The following VCAN variants were observed in gnomAD, a reference collection of about 807,000 sequenced individuals.
VCAN encodes versican, also known as versican core protein.
In VCAN, 44 loss-of-function variants were observed where a neutral mutation model predicts 245.5. The ratio of observed to expected loss-of-function variants is 0.18; its 90% confidence interval spans 0.14 to 0.23. The LOEUF (loss-of-function observed/expected upper bound fraction) is 0.23. VCAN is among the 10% of genes least tolerant of loss of function. VCAN has a pLI of 1.00. For synonymous variants in VCAN, 1,413 were observed against 1,437.0 expected (o/e 0.98, Z 0.38); for missense variants, 3,793 against 4,057.9 (o/e 0.93, Z 1.77).
intron 7 of VCAN, among the ~76,000 whole-genome samples, chr5:83,528,700 G>T (rs1339143151): frequency 6.6e-6 from 1 of 152,026 alleles, no homozygotes; most frequent in Non-Finnish European, 1.5e-5. Flanking sequence ...AAGTTAAATG[G>T]CATAAAACTA....
chr5:83,580,834 G>A lies in VCAN; in HGVS notation c.*400G>A. The A allele has an allele frequency of 3.5e-6, 1 of 289,790 alleles. No individual in the cohort carries two copies. The highest frequency in any genetic ancestry group is 4.8e-5 in the Admixed American group (1 of 20,954). 18.0% of individuals were successfully genotyped at this position (289,790 alleles called of 1,614,324 possible). A position where few individuals can be genotyped will look rare whatever the true frequency, so the allele number is the denominator to read the frequency against. ...TAAAATAAAAAGTCACAATGAGTTT[G>A]GGCATATTTAATGATGATTATGGAG... On this transcript the variant is annotated 3_prime_UTR_variant, in exon 15 of 15. Transcript: ENST00000265077.
At chr5:83,550,011 G>A (rs1370428215) in intron 10 of VCAN, among the ~76,000 whole-genome samples, 2 of 152,152 alleles carry the variant, frequency 1.3e-5, no homozygotes, top group Non-Finnish European at 2.9e-5. Flanking sequence ...CAGTTACTCC[G>A]AAATAGGGGA....
chr5:83,529,814 C>G (rs555716688), intron 7 of VCAN, among the ~76,000 whole-genome samples: 159 of 152,264 alleles, frequency 1.0e-3, no homozygotes, highest in African/African-American at 3.8e-3. Flanking sequence ...CTAGAAAGCA[C>G]CAAGCACAAT....
In VCAN at chr5:83,521,303, A is replaced by G; in HGVS notation, c.2997A>G (p.Glu999=). 6.2e-7 allele frequency: 1 copy of G among 1,614,028 alleles called. No homozygotes were observed. The highest frequency in any genetic ancestry group is 8.5e-7 in the Non-Finnish European group (1 of 1,179,924). Residue 999 remains glutamate, a synonymous_variant, in exon 7 of 15, where the codon GAA becomes GAG. Coordinates refer to ENST00000265077, the MANE Select transcript of VCAN (RefSeq NM_004385.5). ...SVPSEDEVLG[E]PSQDILVIDQ... is the part of the protein sequence containing the mutation. ...CATCAGAAGATGAAGTTCTAGGTGA[A>G]CCCTCTCAAGACATACTTGTCATTG...
Position 83,537,889 on chromosome 5 carries a change from A to G in VCAN, c.4886A>G (p.Glu1629Gly). Residue 1629 changes from glutamate (E) to glycine (G), a missense_variant, in exon 8 of 15, where the codon GAG (glutamate) becomes GGG (glycine). Physicochemically the swap from Glu to Gly is moderately conservative, Grantham distance 98 (BLOSUM62 -2). This residue lies in a region of VCAN where 3,182 missense variants were observed against 3,250.3 expected (regional missense o/e 0.98). Coordinates refer to ENST00000265077, the MANE Select transcript of VCAN (RefSeq NM_004385.5). ...WVEATPRQVV[E>G]LSGSSSIPIT... ...GAAGCAACTCCTAGACAAGTTGTAG[A>G]GCTCTCAGGGAGTTCTTCGATTCCA... 10 of 1,614,002 alleles carry G rather than the reference A, an allele frequency of 6.2e-6. No homozygotes were observed. Among genetic ancestry groups the G allele is most frequent in the Non-Finnish European group, 8.5e-6 (10 of 1,179,968 alleles).
In VCAN at chr5:83,541,341, C is replaced by G; in HGVS notation, c.8338C>G (p.Leu2780Val). Residue 2780 changes from leucine to valine, a missense_variant, in exon 8 of 15, where the codon CTA becomes GTA. Leu to Val is a conservative substitution (Grantham distance 32). Coordinates refer to ENST00000265077, the MANE Select transcript of VCAN (RefSeq NM_004385.5). The part of the protein sequence containing the change: ...EEALVDHTPY[L>V]SIATTHLMDQ... ...GGCATTAGTAGACCATACTCCCTATCTAAGTATTGCTACTACCCACCTTAT... is the reference window on the plus strand; with the variant it reads ...GGCATTAGTAGACCATACTCCCTATGTAAGTATTGCTACTACCCACCTTAT... 2.5e-6 allele frequency: 4 copies of G among 1,614,070 alleles called. No homozygotes were observed. The South Asian group carries it at 4.4e-5, about 18-fold the overall frequency.
intron 12 of VCAN, 96 bp downstream of exon 12, chr5:83,555,134 C>A: frequency 7.7e-7 from 1 of 1,294,536 alleles, no homozygotes. Context: ...AGACTGGAGG[C>A]AAGTTAAATG....
chr5:83,578,391 G>A (rs910322231), intron 13 of VCAN, among the ~76,000 whole-genome samples: 4 of 151,946 alleles, frequency 2.6e-5, no homozygotes, highest in Admixed American at 2.6e-4. Context: ...ATTAGGCTTA[G>A]TACCTGGGTG....
In VCAN at chr5:83,520,523, T is replaced by C. The variant is rs944453252; in HGVS notation, c.2217T>C (p.Ser739=). ...SLSEPIHVTE[S]SVEMTKSFDF... Reference sequence around the variant, plus strand: ...CAGAGCCAATTCATGTTACAGAGTCTTCTGTGGAAATGACCAAGTCTTTTG... The same window carrying C: ...CAGAGCCAATTCATGTTACAGAGTCCTCTGTGGAAATGACCAAGTCTTTTG... Residue 739 remains serine (S), a synonymous_variant, in exon 7 of 15, where the codon TCT becomes TCC. Transcript: ENST00000265077. The C allele has an allele frequency of 2.5e-6, 4 of 1,614,044 alleles. No individual in the cohort carries two copies. The highest frequency in any genetic ancestry group is 2.2e-5 in the East Asian group (1 of 44,860).
Position 83,522,325 on chromosome 5 carries a change from C to G in VCAN, c.4003+16C>G, listed in dbSNP as rs200855770. The G allele has an allele frequency of 8.1e-4, 1,298 of 1,597,650 alleles. 4 individuals are homozygous for G. The highest frequency in any genetic ancestry group is 1.3e-3 in the Middle Eastern group (8 of 6,056). On this transcript the variant is annotated intron_variant, in intron 7 of 14. Transcript: ENST00000265077. ...AATAAGACAGGTAAGTCTTTGCTTT[C>G]TAGACTAGCATTGAAGGCAATCCTC...
intron 12 of VCAN, among the ~76,000 whole-genome samples, chr5:83,566,709 T>C (rs967365352): frequency 1.5e-4 from 23 of 152,172 alleles, no homozygotes; most frequent in African/African-American, 5.3e-4. Context: ...ATACATGGAA[T>C]TGAGGTCACT....
chr5:83,497,394 G>T (rs866091279), intron 5 of VCAN, among the ~76,000 whole-genome samples: 28 of 152,086 alleles, frequency 1.8e-4, no homozygotes, highest in Non-Finnish European at 3.1e-4. Context: ...ATCTAGTAGG[G>T]TTCTTTTTCT....
rs554820599 is a variant in VCAN at position 83,540,570 on chromosome 5, C to T, written c.7567C>T (p.Arg2523Cys). 1.8e-5 allele frequency: 29 copies of T among 1,613,810 alleles called. No individual in the cohort carries two copies. Among genetic ancestry groups the T allele is most frequent in the African/African-American group, 1.3e-4 (10 of 74,976 alleles). ...ERSTDGSFQDRFREFEDSTLK... is the reference protein window; with the variant it reads ...ERSTDGSFQDCFREFEDSTLK... ...GTCCACAGACGGTAGTTTCCAAGAC[C>T]GTTTCAGGGAATTCGAGGATTCCAC... Residue 2523 changes from arginine (R) to cysteine (C), a missense_variant, in exon 8 of 15, where the codon CGT becomes TGT. Around this residue, in one of 5 missense-constraint regions of VCAN, gnomAD observed 3,182 missense variants for 3,250.3 expected, o/e 0.98. Coordinates refer to ENST00000265077, the MANE Select transcript of VCAN (RefSeq NM_004385.5).
At chr5:83,505,861 C>T (rs1174230375) in intron 5 of VCAN, among the ~76,000 whole-genome samples, 2 of 152,366 alleles carry the variant, frequency 1.3e-5, no homozygotes, top group East Asian at 3.9e-4. Context: ...GTTCCCCAAC[C>T]TCAGTTCTTG....
rs147989415 is a variant in VCAN, at chr5:83,537,020, T to C, written c.4017T>C (p.Asp1339=). 2.5e-6 allele frequency: 4 copies of C among 1,596,720 alleles called. No individual in the cohort carries two copies. Among genetic ancestry groups the C allele is most frequent in the Non-Finnish European group, 3.4e-6 (4 of 1,172,172 alleles). The change falls in exon 8 of 15, where the codon GAT becomes GAC. Residue 1339 remains aspartate (D), a synonymous_variant. Coordinates refer to ENST00000265077, the MANE Select transcript of VCAN (RefSeq NM_004385.5). ...VRENKTGRMS[D]LSVIGHPIDS... Reference sequence around the variant, plus strand: ...TGTTTTTTTCAGGTCGAATGAGTGATTTGAGTGTAATTGGTCATCCAATAG... The same window carrying C: ...TGTTTTTTTCAGGTCGAATGAGTGACTTGAGTGTAATTGGTCATCCAATAG...
rs1439068341 is a variant in VCAN at position 83,500,646 on chromosome 5, C to T, written c.748+6715C>T. 2.6e-5 allele frequency among the ~76,000 whole-genome samples: 4 copies of T among 152,124 alleles called. No homozygotes were observed. In the South Asian group the frequency reaches 8.3e-4, roughly 31 times the overall value. Reference sequence around the variant, plus strand: ...AGACAGGTTAAGTGATTAGATATGCCTTTTTTCTTCTTCTACTGCCATAAA... The same window carrying T: ...AGACAGGTTAAGTGATTAGATATGCTTTTTTTCTTCTTCTACTGCCATAAA... On this transcript the variant is annotated intron_variant, in intron 5 of 14. Transcript: ENST00000265077.
intron 5 of VCAN, among the ~76,000 whole-genome samples, chr5:83,505,491 G>A (rs899433919): frequency 6.6e-6 from 1 of 152,194 alleles, no homozygotes; most frequent in Non-Finnish European, 1.5e-5. Context: ...CTCACACCCA[G>A]GTCACGCTGA....
chr5:83,493,976 T>C (rs186945781), intron 5 of VCAN, 45 bp downstream of exon 5: 125 of 1,613,120 alleles, frequency 7.7e-5, no homozygotes, highest in Non-Finnish European at 8.2e-5. Context: ...CTGAGAAAAC[T>C]GAGGGAAGAC....
Position 83,540,110 on chromosome 5 carries a change from C to T in VCAN, c.7107C>T (p.Ile2369=). ...QNQTVRWAEE[I]QTSRPQTITE... Reference sequence around the variant, plus strand: ...AGACTGTCAGGTGGGCAGAAGAAATCCAGACTAGTAGACCACAAACCATAA... The same window carrying T: ...AGACTGTCAGGTGGGCAGAAGAAATTCAGACTAGTAGACCACAAACCATAA... The change falls in exon 8 of 15, where the codon ATC becomes ATT. Residue 2369 remains isoleucine (I), a synonymous_variant. Coordinates refer to ENST00000265077, the MANE Select transcript of VCAN (RefSeq NM_004385.5). 2.5e-6 allele frequency: 4 copies of T among 1,613,968 alleles called. No homozygotes were observed. Among genetic ancestry groups the T allele is most frequent in the Non-Finnish European group, 3.4e-6 (4 of 1,179,976 alleles).
Sources: gnomAD v4.1 joint callset for allele counts (sites outside exome capture counted in the v4.1 genomes callset) on GRCh38, gnomAD v4.1.1 for gene constraint, gnomAD v4.1.1 regional missense constraint, MANE v1.5 for transcripts, NCBI Gene and HGNC (gene_info 2026-07-23, HGNC 2026-07-21) for gene names.